The following TAF4B variants were observed in gnomAD, a reference collection of about 807,000 sequenced individuals.
TAF4B encodes transcription initiation factor TFIID subunit 4B.
Under a neutral mutation model 86.4 loss-of-function variants are expected in TAF4B, and 38 were observed. That is an observed-to-expected ratio of 0.44 (90% confidence interval 0.34 to 0.58). TAF4B has a LOEUF of 0.58. TAF4B is among the 20% of genes least tolerant of loss of function. The pLI, the probability that TAF4B is intolerant of heterozygous loss-of-function variation, is 0.02. For missense variants in TAF4B, 988 were observed against 1,027.6 expected (o/e 0.96, Z 0.53); for synonymous variants, 388 against 391.2 (o/e 0.99, Z 0.10).
At chr18:26,299,886 T>G (rs1420968686) in intron 9 of TAF4B, among the ~76,000 whole-genome samples, 1 of 152,176 alleles carries the variant, frequency 6.6e-6, no homozygotes, top group Non-Finnish European at 1.5e-5. Context: ...TTTTCAAGGA[T>G]TTTATTTTTG....
intron 1 of TAF4B, among the ~76,000 whole-genome samples, chr18:26,261,401 C>G (rs551983651): frequency 6.6e-6 from 1 of 151,906 alleles, no homozygotes; most frequent in Non-Finnish European, 1.5e-5. Context: ...GGGGTTTCAC[C>G]GTTTTAGCCG....
At chr18:26,380,739 C>A (rs2144377633) in intron 14 of TAF4B, among the ~76,000 whole-genome samples, 1 of 152,052 alleles carries the variant, frequency 6.6e-6, no homozygotes, top group Middle Eastern at 3.4e-3. Context: ...TTACTTCCAC[C>A]TTATCTGTGT....
At chr18:26,377,703 A>G (rs2057452111) in intron 14 of TAF4B, among the ~76,000 whole-genome samples, 1 of 152,182 alleles carries the variant, frequency 6.6e-6, no homozygotes, top group South Asian at 2.1e-4. Context: ...TATTATACGT[A>G]AATGGGCCAT....
At position 26,286,036 on chromosome 18, in the gene TAF4B, C is replaced by G; in HGVS notation, c.1127C>G (p.Ser376Cys). The G allele has an allele frequency of 6.2e-7, 1 of 1,614,234 alleles. No homozygotes were observed. The highest frequency in any genetic ancestry group is 8.5e-7 in the Non-Finnish European group (1 of 1,180,028). The part of the protein sequence containing the change: ...VVTTTVSSSQ[S>C]EKSIIVSGAT... ...ACAACTACAGTGTCCTCAAGCCAGT[C>G]TGAAAAGTCAATTATTGTTTCTGGA... Residue 376 changes from serine to cysteine, a missense_variant, in exon 7 of 15, where the codon TCT becomes TGT. Transcript: ENST00000269142.
intron 6 of TAF4B, 144 bp from the exon 7 acceptor site, chr18:26,285,738 A>G (rs575065197): frequency 1.0e-6 from 1 of 958,092 alleles, no homozygotes; most frequent in Admixed American, 2.6e-5. Context: ...GCAGGATATA[A>G]GTAAGTGATA....
intron 14 of TAF4B, among the ~76,000 whole-genome samples, chr18:26,365,556 T>C (rs1438772507): frequency 3.9e-5 from 6 of 152,188 alleles, no homozygotes; most frequent in African/African-American, 7.2e-5. Flanking sequence ...TGTGTGTCTA[T>C]ACCAGGTAAG....
At chr18:26,317,680 G>C (rs773487179) in intron 10 of TAF4B, among the ~76,000 whole-genome samples, 1 of 152,178 alleles carries the variant, frequency 6.6e-6, no homozygotes, top group Non-Finnish European at 1.5e-5. Context: ...GTGCCAGCAC[G>C]GTCAGATTCT....
At chr18:26,323,818 G>A (rs528178900) in intron 11 of TAF4B, among the ~76,000 whole-genome samples, 17 of 152,210 alleles carry the variant, frequency 1.1e-4, no homozygotes, top group East Asian at 3.9e-4. Flanking sequence ...TATTGGTATG[G>A]TTTCAACTAA....
intron 13 of TAF4B, among the ~76,000 whole-genome samples, chr18:26,342,342 C>G (rs1018723196): frequency 6.6e-6 from 1 of 152,126 alleles, no homozygotes; most frequent in Non-Finnish European, 1.5e-5. Flanking sequence ...TCATAACTAT[C>G]TAGATAAATT....
At chr18:26,242,165 G>A (rs1450581559) in intron 1 of TAF4B, among the ~76,000 whole-genome samples, 1 of 152,140 alleles carries the variant, frequency 6.6e-6, no homozygotes, top group Non-Finnish European at 1.5e-5. Flanking sequence ...TCGTTGATCT[G>A]TCTAATGTTG....
chr18:26,319,341 A>C (rs2056940207), intron 10 of TAF4B, among the ~76,000 whole-genome samples: 1 of 151,400 alleles, frequency 6.6e-6, no homozygotes, highest in South Asian at 2.1e-4. Context: ...AAAATACAAA[A>C]AAAAATCAGC....
chr18:26,379,390 G>A (rs191919758), intron 14 of TAF4B, among the ~76,000 whole-genome samples: 1 of 152,084 alleles, frequency 6.6e-6, no homozygotes, highest in Non-Finnish European at 1.5e-5. Flanking sequence ...CTGCTGTGAA[G>A]TGGGGGTTGA....
chr18:26,340,833 A>AT (rs1455707792), intron 13 of TAF4B, among the ~76,000 whole-genome samples: 2 of 152,142 alleles, frequency 1.3e-5, no homozygotes, highest in Non-Finnish European at 2.9e-5. Context: ...GGAATCTGAG[A>AT]TTTGGCCTCT....
chr18:26,322,523 T>G (rs1230582675), intron 11 of TAF4B, among the ~76,000 whole-genome samples: 1 of 152,146 alleles, frequency 6.6e-6, no homozygotes, highest in Non-Finnish European at 1.5e-5. Flanking sequence ...ATCTAATTTG[T>G]TGGCATAGGA....
At chr18:26,302,608 C>T (rs1280558042) in intron 9 of TAF4B, among the ~76,000 whole-genome samples, 4 of 152,034 alleles carry the variant, frequency 2.6e-5, no homozygotes, top group Non-Finnish European at 5.9e-5. Context: ...AGTGATCCTC[C>T]TGCCGCATCC....
intron 9 of TAF4B, among the ~76,000 whole-genome samples, chr18:26,293,849 A>G (rs1000435531): frequency 1.3e-5 from 2 of 152,104 alleles, no homozygotes; most frequent in Admixed American, 6.5e-5. Flanking sequence ...GTCCATCACG[A>G]TAGATCATTT....
intron 14 of TAF4B, among the ~76,000 whole-genome samples, chr18:26,384,090 A>G (rs948064491): frequency 6.6e-6 from 1 of 152,016 alleles, no homozygotes; most frequent in African/African-American, 2.4e-5. Flanking sequence ...TCTACTCCCT[A>G]TTTCTCACAT....
intron 5 of TAF4B, among the ~76,000 whole-genome samples, chr18:26,276,014 T>C (rs2056379383): frequency 1.1e-5 from 1 of 88,242 alleles, no homozygotes; most frequent in African/African-American, 4.8e-5. Flanking sequence ...AGACTCTGTC[T>C]CAAAAAAAAA....
At position 26,277,105 on chromosome 18, in the gene TAF4B, A is replaced by G. The variant is rs556517739; in HGVS notation, c.882+2052A>G. Reference sequence around the variant, plus strand: ...TATTGAAAAAATTTTTTTTTGAGATAGGGTCTTAACTCTGTCACCCAGGCT... The same window carrying G: ...TATTGAAAAAATTTTTTTTTGAGATGGGGTCTTAACTCTGTCACCCAGGCT... On this transcript the variant is annotated intron_variant, in intron 5 of 14. Coordinates refer to ENST00000269142, the MANE Select transcript of TAF4B (RefSeq NM_005640.3). Among the ~76,000 whole-genome samples, 6 of 151,424 alleles carry G rather than the reference A, an allele frequency of 4.0e-5. No homozygotes were observed. In the East Asian group the frequency reaches 1.2e-3, roughly 29 times the overall value.
Sources: gnomAD v4.1 joint callset for allele counts (sites outside exome capture counted in the v4.1 genomes callset) on GRCh38, gnomAD v4.1.1 for gene constraint, MANE v1.5 for transcripts, NCBI Gene and HGNC (gene_info 2026-07-23, HGNC 2026-07-21) for gene names.